The following DPP10 variants were observed in gnomAD, a reference collection of about 807,000 sequenced individuals.
DPP10 encodes the protein dipeptidyl peptidase like 10, also known as inactive dipeptidyl peptidase 10.
A neutral mutation model predicts 120.9 loss-of-function variants in DPP10; 33 were observed. The ratio of observed to expected loss-of-function variants is 0.27; its 90% CI spans 0.21 to 0.37. DPP10 has a LOEUF of 0.37. Among genes scored for constraint, DPP10 ranks in the 10% least tolerant of loss-of-function variants. The pLI, the probability that DPP10 is intolerant of heterozygous loss-of-function variation, is 1.00. For synonymous variants in DPP10, 337 were observed against 326.1 expected, an observed-to-expected ratio of 1.03 and a Z score of -0.36; for missense variants, 816 against 942.8, an observed-to-expected ratio of 0.87 and a Z score of 1.76.
At chr2:115,434,939 T>C (rs1324183599) in intron 3 of DPP10, among the ~76,000 whole-genome samples, 10 of 151,760 alleles carry the variant, frequency 6.6e-5, no homozygotes, top group African/African-American at 2.2e-4. Flanking sequence ...TTTGTCCTTA[T>C]GAGATTAGTT....
chr2:115,168,789 T>C (rs1359444195), intron 1 of DPP10, among the ~76,000 whole-genome samples: 1 of 152,166 alleles, frequency 6.6e-6, no homozygotes, highest in Non-Finnish European at 1.5e-5. Context: ...CTATTGTAGA[T>C]TTATGTTTGT....
chr2:115,483,883 G>A (rs1208827613), intron 3 of DPP10, among the ~76,000 whole-genome samples: 1 of 152,008 alleles, frequency 6.6e-6, no homozygotes, highest in Non-Finnish European at 1.5e-5. Flanking sequence ...CTGATCTGCT[G>A]CCAACATGTT....
chr2:115,473,439 T>C (rs2074863513), intron 3 of DPP10, among the ~76,000 whole-genome samples: 1 of 152,190 alleles, frequency 6.6e-6, no homozygotes, highest in South Asian at 2.1e-4. Flanking sequence ...GAGTGAGGGC[T>C]CCTTGACTCA....
chr2:115,800,025 G>A (rs1268713627), intron 19 of DPP10, among the ~76,000 whole-genome samples: 1 of 151,384 alleles, frequency 6.6e-6, no homozygotes, highest in African/African-American at 2.4e-5. Context: ...CTTCCACAAT[G>A]GTTGAACTAG....
chr2:115,497,381 C>G (rs1408052441), intron 3 of DPP10, among the ~76,000 whole-genome samples: 1 of 152,000 alleles, frequency 6.6e-6, no homozygotes, highest in Non-Finnish European at 1.5e-5. Flanking sequence ...AGCCTACGAG[C>G]CTAAAAGCAA....
intron 1 of DPP10, among the ~76,000 whole-genome samples, chr2:114,649,561 C>A (rs1316072120): frequency 6.6e-6 from 1 of 151,894 alleles, no homozygotes; most frequent in African/African-American, 2.4e-5. Context: ...ACTGTGTTAG[C>A]CAGGATGGTC....
chr2:115,531,467 T>G (rs2148919536), intron 5 of DPP10, among the ~76,000 whole-genome samples: 1 of 152,146 alleles, frequency 6.6e-6, no homozygotes, highest in South Asian at 2.1e-4. Flanking sequence ...ATCTACCCTG[T>G]TTTTCTTTAG....
chr2:114,731,701 CA>C (rs1418310470), intron 1 of DPP10, among the ~76,000 whole-genome samples: 2 of 152,098 alleles, frequency 1.3e-5, no homozygotes, highest in Non-Finnish European at 2.9e-5. Flanking sequence ...GGTGGCACAA[CA>C]AAACACATGA....
chr2:114,632,987 C>T (rs1057357309), intron 1 of DPP10, among the ~76,000 whole-genome samples: 1 of 151,950 alleles, frequency 6.6e-6, no homozygotes, highest in African/African-American at 2.4e-5. Context: ...CCTTACCTTA[C>T]AAACCTCAGA....
At chr2:115,634,905 C>G (rs2086195632) in intron 5 of DPP10, among the ~76,000 whole-genome samples, 1 of 151,672 alleles carries the variant, frequency 6.6e-6, no homozygotes. Context: ...TGCTAAAACC[C>G]TGGCTGGAGT....
At chr2:114,610,825 C>T (rs1693224142) in intron 1 of DPP10, among the ~76,000 whole-genome samples, 1 of 152,152 alleles carries the variant, frequency 6.6e-6, no homozygotes, top group South Asian at 2.1e-4. Flanking sequence ...GTCTTGCCAG[C>T]AGCTCAGTCT....
chr2:115,329,985 T>C (rs2062613006), intron 2 of DPP10, among the ~76,000 whole-genome samples: 1 of 152,182 alleles, frequency 6.6e-6, no homozygotes, highest in South Asian at 2.1e-4. Context: ...ATGGTATTTC[T>C]AGTTCTAGAT....
chr2:114,969,023 T>C (rs541145223), intron 1 of DPP10, among the ~76,000 whole-genome samples: 1 of 152,346 alleles, frequency 6.6e-6, no homozygotes, highest in East Asian at 1.9e-4. Context: ...CATGGGGCCA[T>C]ACTAAGCAAA....
At chr2:114,742,519 G>C (rs1419038284) in intron 1 of DPP10, among the ~76,000 whole-genome samples, 9 of 152,060 alleles carry the variant, frequency 5.9e-5, no homozygotes, top group Non-Finnish European at 1.3e-4. Flanking sequence ...TTTCCTTGGA[G>C]AATACATTCA....
intron 3 of DPP10, among the ~76,000 whole-genome samples, chr2:115,426,920 T>C (rs1203842632): frequency 1.3e-5 from 2 of 152,220 alleles, no homozygotes; most frequent in East Asian, 3.9e-4. Context: ...ACTTGTAGAA[T>C]AAAAATTAAC....
At chr2:114,686,508 G>A (rs1022538547) in intron 1 of DPP10, among the ~76,000 whole-genome samples, 2 of 151,786 alleles carry the variant, frequency 1.3e-5, no homozygotes, top group Non-Finnish European at 2.9e-5. Context: ...AGGAATCCTA[G>A]GGTTTTTATC....
intron 1 of DPP10, among the ~76,000 whole-genome samples, chr2:114,947,850 C>A (rs1697481255): frequency 6.6e-6 from 1 of 151,884 alleles, no homozygotes; most frequent in Non-Finnish European, 1.5e-5. Context: ...CCTCAGGAAG[C>A]TTTTTGAATT....
intron 2 of DPP10, among the ~76,000 whole-genome samples, chr2:115,333,540 A>T (rs1374866657): frequency 6.6e-6 from 1 of 152,070 alleles, no homozygotes; most frequent in Non-Finnish European, 1.5e-5. Context: ...ACAATTTGGC[A>T]TGTTTTTGCA....
chr2:114,713,767 G>C (rs1239400916), intron 1 of DPP10, among the ~76,000 whole-genome samples: 2 of 151,960 alleles, frequency 1.3e-5, no homozygotes, highest in Non-Finnish European at 2.9e-5. Flanking sequence ...GAGGTGGGCG[G>C]ATCACCTGAG....
Sources: gnomAD v4.1 joint callset for allele counts (sites outside exome capture counted in the v4.1 genomes callset) on GRCh38, gnomAD v4.1.1 for gene constraint, MANE v1.5 for transcripts, NCBI Gene and HGNC (gene_info 2026-07-23, HGNC 2026-07-21) for gene names.